GABBR2: variants seen among roughly 807,000 people sequenced by gnomAD.
The protein encoded by GABBR2 is G-protein coupled receptor 51.
In GABBR2, 23 loss-of-function variants were observed where a neutral mutation model predicts 105.6. The observed-to-expected ratio is 0.22, with a 90% CI of 0.16 to 0.31. The LOEUF (loss-of-function observed/expected upper bound fraction) is 0.31. GABBR2 is among the 10% of genes least tolerant of loss of function. GABBR2 has a pLI of 1.00. For synonymous variants in GABBR2, 478 were observed against 499.7 expected (o/e 0.96, Z 0.58); for missense variants, 734 against 1,245.5 (o/e 0.59, Z 6.18).
intron 1 of GABBR2, among the ~76,000 whole-genome samples, chr9:98,599,565 T>C (rs1016195097): frequency 3.1e-4 from 47 of 152,162 alleles, no homozygotes; most frequent in African/African-American, 1.1e-3. Context: ...CTGATGGAGG[T>C]TGAATTACAC....
intron 2 of GABBR2, among the ~76,000 whole-genome samples, chr9:98,556,665 C>T (rs1056713600): frequency 6.6e-6 from 1 of 152,140 alleles, no homozygotes; most frequent in African/African-American, 2.4e-5. Flanking sequence ...GCTGCAAACC[C>T]GCCACCAACC....
chr9:98,610,822 T>C (rs144225609), intron 1 of GABBR2, among the ~76,000 whole-genome samples: 1 of 151,844 alleles, frequency 6.6e-6, no homozygotes, highest in African/African-American at 2.4e-5. Context: ...ACCCTGTTTG[T>C]GGCAATTTGT....
At chr9:98,602,258 G>T (rs1291322325) in intron 1 of GABBR2, among the ~76,000 whole-genome samples, 1 of 151,676 alleles carries the variant, frequency 6.6e-6, no homozygotes, top group African/African-American at 2.4e-5. Context: ...TGGATCATGA[G>T]GTCAGGAGTT....
chr9:98,693,932 A>T (rs1365559876), intron 1 of GABBR2, among the ~76,000 whole-genome samples: 1 of 152,264 alleles, frequency 6.6e-6, no homozygotes, highest in Non-Finnish European at 1.5e-5. Context: ...CAGTGTCCAA[A>T]GGAGCCTGGC....
At chr9:98,699,451 G>T (rs1830799592) in intron 1 of GABBR2, among the ~76,000 whole-genome samples, 1 of 152,116 alleles carries the variant, frequency 6.6e-6, no homozygotes, top group East Asian at 1.9e-4. Context: ...ACATGGCTTG[G>T]CATACAAAGC....
chr9:98,642,943 C>G (rs1445562179), intron 1 of GABBR2, among the ~76,000 whole-genome samples: 1 of 152,218 alleles, frequency 6.6e-6, no homozygotes, highest in Non-Finnish European at 1.5e-5. Flanking sequence ...CCTCGCCTCT[C>G]TCTACCTGCC....
chr9:98,388,813 T>C lies in GABBR2; in HGVS notation c.1529+41A>G. On this transcript the variant is annotated intron_variant, in intron 10 of 18. Transcript: ENST00000259455. The surrounding 1 kb of genome is among the most constrained non-coding windows in gnomAD (Gnocchi z 4.4). ...TATACTGTGTCCATAGGCTTGTCAA[T>C]TTAGAAAGTGATATCACAGAGGAGG... The C allele has an allele frequency of 1.3e-6, 2 of 1,555,204 alleles. No homozygotes were observed. Among genetic ancestry groups the C allele is most frequent in the Non-Finnish European group, 1.8e-6 (2 of 1,134,142 alleles).
chr9:98,633,475 A>C (rs1255788110), intron 1 of GABBR2, among the ~76,000 whole-genome samples: 1 of 151,912 alleles, frequency 6.6e-6, no homozygotes, highest in Non-Finnish European at 1.5e-5. Flanking sequence ...ATACAAAAAA[A>C]ATAGCTGGGC....
At chr9:98,394,760 G>A (rs1348298878) in intron 8 of GABBR2, among the ~76,000 whole-genome samples, 1 of 152,036 alleles carries the variant, frequency 6.6e-6, no homozygotes, top group Non-Finnish European at 1.5e-5. Context: ...GCCCCTCCTT[G>A]GGCCACATTC....
At chr9:98,666,487 G>C (rs536099507) in intron 1 of GABBR2, among the ~76,000 whole-genome samples, 1 of 152,278 alleles carries the variant, frequency 6.6e-6, no homozygotes, top group African/African-American at 2.4e-5. Context: ...ACTGTCCAAT[G>C]CACAAATTGC....
chr9:98,507,076 C>G (rs1316970875), intron 3 of GABBR2, among the ~76,000 whole-genome samples: 3 of 152,154 alleles, frequency 2.0e-5, no homozygotes, highest in African/African-American at 7.2e-5. Context: ...CAAATCAAAT[C>G]AAATCCCTCT....
chr9:98,650,134 A>T (rs946465268), intron 1 of GABBR2, among the ~76,000 whole-genome samples: 13 of 152,146 alleles, frequency 8.5e-5, no homozygotes, highest in African/African-American at 3.1e-4. Context: ...CATTATTTTT[A>T]AAAAATTTTT....
At chr9:98,344,779 C>T (rs145863552) in intron 13 of GABBR2, among the ~76,000 whole-genome samples, 1 of 152,272 alleles carries the variant, frequency 6.6e-6, no homozygotes, top group African/African-American at 2.4e-5. Context: ...ACTGCACCCA[C>T]TTTCTCTGGG....
chr9:98,695,852 C>A (rs1830744509), intron 1 of GABBR2, among the ~76,000 whole-genome samples: 1 of 152,148 alleles, frequency 6.6e-6, no homozygotes, highest in Non-Finnish European at 1.5e-5. Context: ...CCCCCACACC[C>A]CACAGGCACT....
chr9:98,587,074 C>T (rs1829088483), intron 1 of GABBR2, among the ~76,000 whole-genome samples: 1 of 152,214 alleles, frequency 6.6e-6, no homozygotes, highest in Admixed American at 6.5e-5. Context: ...GCTCCATATC[C>T]TTGCCAGCTT....
At chr9:98,581,604 A>C (rs906901701) in intron 1 of GABBR2, among the ~76,000 whole-genome samples, 5 of 151,914 alleles carry the variant, frequency 3.3e-5, no homozygotes, top group Admixed American at 2.0e-4. Flanking sequence ...ATTGAAAGCA[A>C]CACTTCTCAC....
chr9:98,326,248 AAC>A (rs1245163364), intron 13 of GABBR2, among the ~76,000 whole-genome samples: 1 of 152,208 alleles, frequency 6.6e-6, no homozygotes, highest in African/African-American at 2.4e-5. Context: ...GGCACAGCAA[AAC>A]AGTGAGCATA....
intron 7 of GABBR2, among the ~76,000 whole-genome samples, chr9:98,429,730 G>A (rs1480270866): frequency 6.6e-6 from 1 of 152,192 alleles, no homozygotes; most frequent in Non-Finnish European, 1.5e-5. Flanking sequence ...TCAGAACAAA[G>A]CAGGGGAGCT....
At chr9:98,384,400 G>A (rs1832034742) in intron 11 of GABBR2, among the ~76,000 whole-genome samples, 1 of 152,132 alleles carries the variant, frequency 6.6e-6, no homozygotes, top group Non-Finnish European at 1.5e-5. Context: ...AGACCATCCT[G>A]ACCAACATGG....
Sources: allele counts gnomAD v4.1 joint callset (sites outside exome capture counted in the v4.1 genomes callset), GRCh38; gene constraint gnomAD v4.1.1; non-coding constraint Gnocchi (gnomAD v3.1); transcripts MANE v1.5; gene names NCBI Gene and HGNC (gene_info 2026-07-23, HGNC 2026-07-21).